DTNA: variants seen among roughly 807,000 people sequenced by gnomAD.
DTNA encodes the protein dystrophin-related protein 3.
A neutral mutation model predicts 100.7 loss-of-function variants in DTNA; 43 were observed. That is an observed-to-expected ratio of 0.43 (90% CI 0.33 to 0.55). The LOEUF (loss-of-function observed/expected upper bound fraction) is 0.55, where lower values mean the gene tolerates loss of function less well. DTNA is among the 20% of genes least tolerant of loss of function. DTNA has a pLI of 0.04. For synonymous variants in DTNA, 349 were observed against 347.9 expected (o/e 1.00, Z -0.04); for missense variants, 798 against 953.9 (o/e 0.84, Z 2.15).
At chr18:34,687,490 A>G (rs933993412) in intron 1 of DTNA, among the ~76,000 whole-genome samples, 4 of 152,146 alleles carry the variant, frequency 2.6e-5, no homozygotes, top group Admixed American at 6.5e-5. Flanking sequence ...ATTTGATTGC[A>G]CTGTGGTCTG....
chr18:34,669,549 T>A (rs1167910003), intron 1 of DTNA, among the ~76,000 whole-genome samples: 1 of 152,222 alleles, frequency 6.6e-6, no homozygotes, highest in Non-Finnish European at 1.5e-5. Context: ...TGTCATGTTT[T>A]TGCAATGGCT....
chr18:34,501,448 A>G (rs1225032853), intron 1 of DTNA, among the ~76,000 whole-genome samples: 2 of 152,188 alleles, frequency 1.3e-5, no homozygotes, highest in African/African-American at 2.4e-5. Flanking sequence ...TGTTTTTGGT[A>G]TTAGTATCAG....
At chr18:34,887,663 G>A (rs1033796141) in intron 22 of DTNA, 103 bp from the exon 23 acceptor site, 25 of 864,436 alleles carry the variant, frequency 2.9e-5, no homozygotes, top group Middle Eastern at 5.9e-4. Flanking sequence ...GTGTGCGCGC[G>A]CACTTTCTTC....
intron 13 of DTNA, among the ~76,000 whole-genome samples, chr18:34,843,647 G>T (rs2096315187): frequency 6.6e-6 from 1 of 151,930 alleles, no homozygotes; most frequent in African/African-American, 2.4e-5. Flanking sequence ...CCCACACTAT[G>T]ACCTCATTTA....
intron 4 of DTNA, among the ~76,000 whole-genome samples, chr18:34,795,779 A>G (rs539921238): frequency 1.3e-5 from 2 of 152,370 alleles, no homozygotes; most frequent in East Asian, 1.9e-4. Flanking sequence ...CTCCATAAAT[A>G]TAGACCAGAA....
rs560376298 is a variant in DTNA, at chr18:34,591,518, G to A, written c.-2+98004G>A. Among the ~76,000 whole-genome samples the A allele has an allele frequency of 1.9e-3, 292 of 152,270 alleles. 1 individual carries two copies. The highest frequency in any genetic ancestry group is 6.4e-3 in the African/African-American group (265 of 41,548). On this transcript the variant is annotated intron_variant, in intron 1 of 19. Transcript: ENST00000283365. ...AGCTGAATGTGAACCATTGATGGCC[G>A]CACGTCTGTCCACCCTTCTTAGTTC...
chr18:34,838,299 C>G, intron 12 of DTNA, 128 bp downstream of exon 12: 1 of 933,090 alleles, frequency 1.1e-6, no homozygotes, highest in Non-Finnish European at 1.7e-6. Context: ...TGCTTTAACC[C>G]AGTTAACAGC....
At chr18:34,532,527 T>G (rs1226374538) in intron 1 of DTNA, among the ~76,000 whole-genome samples, 1 of 151,898 alleles carries the variant, frequency 6.6e-6, no homozygotes, top group Non-Finnish European at 1.5e-5. Flanking sequence ...GCAATTGAAG[T>G]TTGTTGTTTT....
intron 1 of DTNA, among the ~76,000 whole-genome samples, chr18:34,741,050 G>T (rs953626129): frequency 6.6e-6 from 1 of 152,138 alleles, no homozygotes; most frequent in Non-Finnish European, 1.5e-5. Flanking sequence ...AATTAACTTT[G>T]TGTTCTCGTT....
chr18:34,584,372 T>G (rs1032231483), intron 1 of DTNA, among the ~76,000 whole-genome samples: 12 of 152,116 alleles, frequency 7.9e-5, no homozygotes, highest in African/African-American at 2.4e-4. Context: ...ACATGTAGCT[T>G]TAAAAAGCTG....
chr18:34,582,918 A>C (rs1449457976), intron 1 of DTNA, among the ~76,000 whole-genome samples: 1 of 152,162 alleles, frequency 6.6e-6, no homozygotes, highest in East Asian at 1.9e-4. Context: ...TTGAAAGGGA[A>C]ATTAGTTCAC....
At chr18:34,500,944 T>G (rs2039854238) in intron 1 of DTNA, among the ~76,000 whole-genome samples, 1 of 152,194 alleles carries the variant, frequency 6.6e-6, no homozygotes. Context: ...TATATGCCTT[T>G]TGTTTCCTTT....
At chr18:34,747,972 T>C (rs1428638776) in intron 1 of DTNA, among the ~76,000 whole-genome samples, 1 of 152,192 alleles carries the variant, frequency 6.6e-6, no homozygotes, top group South Asian at 2.1e-4. Context: ...CACCAATGTC[T>C]ATTATTTTTT....
intron 17 of DTNA, among the ~76,000 whole-genome samples, chr18:34,869,910 A>C (rs2096747808): frequency 6.6e-6 from 1 of 152,044 alleles, no homozygotes; most frequent in South Asian, 2.1e-4. Context: ...AGTCCCAGCT[A>C]CTCGGGAGGC....
intron 4 of DTNA, among the ~76,000 whole-genome samples, chr18:34,802,311 A>G (rs1812128811): frequency 6.6e-6 from 1 of 152,210 alleles, no homozygotes; most frequent in Non-Finnish European, 1.5e-5. Flanking sequence ...GCATTGCCAG[A>G]GACATAGTCA....
At position 34,793,909 on chromosome 18, in the gene DTNA, T is replaced by C. The variant is rs9989533; in HGVS notation, c.149-128T>C. 0.22 allele frequency: 204,052 copies of C among 909,990 alleles called. 26,151 individuals are homozygous for C. The highest frequency in any genetic ancestry group is 0.52 in the East Asian group (19,762 of 37,960). The allele number at this position is 909,990 out of a possible 1,614,324, so 56.4% of individuals were successfully genotyped here. A position where few individuals can be genotyped will look rare whatever the true frequency, so the allele number is the denominator to read the frequency against. ...TGCACAGCCTATGTTCATTTACTTATGTTGACCCCCTGCAACAGCTGCACA... is the reference window on the plus strand; with the variant it reads ...TGCACAGCCTATGTTCATTTACTTACGTTGACCCCCTGCAACAGCTGCACA... On this transcript the variant is annotated intron_variant, in intron 3 of 22. Coordinates refer to ENST00000444659, the MANE Select transcript of DTNA (RefSeq NM_001386795.1).
intron 1 of DTNA, among the ~76,000 whole-genome samples, chr18:34,613,409 AT>A (rs2054610741): frequency 6.6e-6 from 1 of 152,242 alleles, no homozygotes; most frequent in African/African-American, 2.4e-5. Flanking sequence ...ATAATTAGAA[AT>A]GATTAAGTTA....
At chr18:34,665,954 G>A (rs1385419717) in intron 1 of DTNA, among the ~76,000 whole-genome samples, 2 of 152,084 alleles carry the variant, frequency 1.3e-5, no homozygotes, top group Admixed American at 1.3e-4. Flanking sequence ...AGGATGGCTG[G>A]GTCAAATGGT....
chr18:34,689,357 G>C (rs1441588317), intron 1 of DTNA, among the ~76,000 whole-genome samples: 1 of 152,094 alleles, frequency 6.6e-6, no homozygotes, highest in Non-Finnish European at 1.5e-5. Flanking sequence ...TGTTGATGTT[G>C]ATGCTATTGC....
Sources: gnomAD v4.1 joint callset for allele counts (sites outside exome capture counted in the v4.1 genomes callset) on GRCh38, gnomAD v4.1.1 for gene constraint, MANE v1.5 for transcripts, NCBI Gene and HGNC (gene_info 2026-07-23, HGNC 2026-07-21) for gene names.